The following IRAG1 variants were observed in gnomAD, a reference collection of about 807,000 sequenced individuals.
IRAG1 encodes inositol 1,4,5-triphosphate receptor associated 1.
A neutral mutation model predicts 106.2 loss-of-function variants in IRAG1; 62 were observed. The observed-to-expected ratio is 0.58, with a 90% CI of 0.48 to 0.72. The LOEUF (loss-of-function observed/expected upper bound fraction) is 0.72, where lower values mean the gene tolerates loss of function less well. Ranked by LOEUF, IRAG1 falls within the 30% of genes least tolerant of loss-of-function variation. IRAG1 has a pLI of 0.00. For synonymous variants in IRAG1, 462 were observed against 443.9 expected (o/e 1.04, Z -0.51); for missense variants, 1,064 against 1,140.7 (o/e 0.93, Z 0.97).
intron 2 of IRAG1, among the ~76,000 whole-genome samples, chr11:10,636,820 C>T (rs933660157): frequency 3.9e-5 from 6 of 152,120 alleles, no homozygotes; most frequent in Non-Finnish European, 7.4e-5. Flanking sequence ...GGAGCTTGCA[C>T]GACAAAGATG....
At chr11:10,604,341 C>A (rs1854301864) in intron 13 of IRAG1, 64 bp downstream of exon 13, 18 of 1,597,704 alleles carry the variant, frequency 1.1e-5, no homozygotes, top group Non-Finnish European at 1.5e-5. Flanking sequence ...AAGCATGACA[C>A]CCTGTATGGC....
intron 2 of IRAG1, among the ~76,000 whole-genome samples, chr11:10,638,249 C>T (rs1299731993): frequency 6.6e-6 from 1 of 152,210 alleles, no homozygotes; most frequent in Admixed American, 6.5e-5. Flanking sequence ...GGATAGCCTG[C>T]TTTTCCTTAA....
At position 10,628,035 on chromosome 11, in the gene IRAG1, T is replaced by C. The variant is rs1279169538; in HGVS notation, c.653-10A>G. On this transcript the variant is annotated splice_polypyrimidine_tract_variant and intron_variant, in intron 6 of 20. Transcript: ENST00000423302. This position sits in a 1 kb window ranked among gnomAD's most constrained non-coding sequence, Gnocchi z 4.1. The stretch of plus-strand genomic sequence containing the variant: ...CTGCACACATCCAAACCTGGAAGGG[T>C]CCAGACACTAGTGAGTGAGGCCCAG... 18 of 1,613,414 alleles carry C rather than the reference T, an allele frequency of 1.1e-5. No individual in the cohort carries two copies. The highest frequency in any genetic ancestry group is 1.6e-4 in the Middle Eastern group (1 of 6,084).
At position 10,626,192 on chromosome 11, in the gene IRAG1, G is replaced by A; in HGVS notation, c.1142C>T (p.Pro381Leu). The change falls in exon 9 of 21, where the codon CCA becomes CTA. Residue 381 changes from proline to leucine, a missense_variant. Transcript: ENST00000423302. The stretch of plus-strand genomic sequence containing the variant: ...CAGCGGGGGCCGGGACACAGTGGGT[G>A]GAAGCTCAGCTTTGGAGCCAGCCTC... Reference protein sequence around the residue: ...GPEAGSKAELPPTVSRPPLLR... With the variant: ...GPEAGSKAELLPTVSRPPLLR... The A allele has an allele frequency of 1.3e-6, 2 of 1,565,490 alleles. No individual in the cohort carries two copies. The highest frequency in any genetic ancestry group is 1.7e-6 in the Non-Finnish European group (2 of 1,153,818).
chr11:10,688,685 C>T (rs1861841552), intron 1 of IRAG1, among the ~76,000 whole-genome samples: 1 of 152,174 alleles, frequency 6.6e-6, no homozygotes, highest in Admixed American at 6.6e-5. Context: ...CTCACCAATA[C>T]CTGGATTCCA....
intron 1 of IRAG1, among the ~76,000 whole-genome samples, chr11:10,688,099 A>G (rs796645506): frequency 2.6e-4 from 40 of 152,214 alleles, no homozygotes; most frequent in African/African-American, 8.9e-4. Context: ...AAGGCCAAAA[A>G]AAAAAAAAGT....
At chr11:10,613,057 G>A (rs1377794130) in intron 10 of IRAG1, among the ~76,000 whole-genome samples, 1 of 152,116 alleles carries the variant, frequency 6.6e-6, no homozygotes, top group East Asian at 1.9e-4. Flanking sequence ...GAAGTATATG[G>A]AGATAAAATA....
rs1210368390 is a variant in IRAG1 at position 10,647,945 on chromosome 11, T to C, written c.225+4080A>G. Among the ~76,000 whole-genome samples the C allele has an allele frequency of 6.6e-6, 1 of 152,156 alleles. No individual in the cohort carries two copies. Among genetic ancestry groups the C allele is most frequent in the African/African-American group, 2.4e-5 (1 of 41,434 alleles). On this transcript the variant is annotated intron_variant, in intron 2 of 20. Coordinates refer to ENST00000423302, the MANE Select transcript of IRAG1 (RefSeq NM_130385.4). This position sits in a 1 kb window ranked among gnomAD's most constrained non-coding sequence, Gnocchi z 4.3. ...TAGGATTTCACCCCACTATAGGTTG[T>C]ATGGAGGGCAGAACCGAGGGAGAGT...
intron 14 of IRAG1, among the ~76,000 whole-genome samples, chr11:10,602,359 A>G (rs1361398838): frequency 6.6e-6 from 1 of 152,242 alleles, no homozygotes; most frequent in Non-Finnish European, 1.5e-5. Context: ...GCAACCCTCT[A>G]TGGCAGATAC....
chr11:10,583,593 G>A (rs545810440), intron 18 of IRAG1, among the ~76,000 whole-genome samples: 9 of 152,306 alleles, frequency 5.9e-5, no homozygotes, highest in African/African-American at 1.7e-4. Context: ...ACAGCAATTC[G>A]AGTAGGAAGG....
rs992429353 is a variant in IRAG1, at chr11:10,693,688, G to A, written c.-86C>T. 9.6e-6 allele frequency: 14 copies of A among 1,460,354 alleles called. 1 individual carries two copies. In the South Asian group the frequency reaches 1.7e-4, roughly 18 times the overall value. The allele number at this position is 1,460,354 out of a possible 1,614,324, so 90.5% of individuals were successfully genotyped here. ...CCTCGGCCGCACGCCTCCTCTGAGA[G>A]GGGCTGGGACTTAGAGCCGAGAGCT... is the stretch of plus-strand genomic sequence containing the variant. On this transcript the variant is annotated 5_prime_UTR_variant, in exon 1 of 21. Transcript: ENST00000423302.
At chr11:10,593,091 G>A (rs1253331009) in intron 17 of IRAG1, 1 of 155,546 alleles carries the variant, frequency 6.4e-6, no homozygotes, top group Non-Finnish European at 1.4e-5. Flanking sequence ...GAGAACAATG[G>A]GTTGAAGAAC....
rs1859683326 is a variant in IRAG1 at position 10,665,030 on chromosome 11, G to A, written c.68-12848C>T. ...GAGCTTTTTTGGCACTTGCAATAAA[G>A]AGTTCCAACTGGTGCAAACAGCCTA... On this transcript the variant is annotated intron_variant, in intron 1 of 20. Transcript: ENST00000423302. The surrounding 1 kb of genome is among the most constrained non-coding windows in gnomAD (Gnocchi z 4.2). 6.6e-6 allele frequency among the ~76,000 whole-genome samples: 1 copy of A among 152,146 alleles called. No homozygotes were observed. Among genetic ancestry groups the A allele is most frequent in the Non-Finnish European group, 1.5e-5 (1 of 68,030 alleles).
At chr11:10,626,823 A>G (rs1250023623) in intron 8 of IRAG1, among the ~76,000 whole-genome samples, 1 of 152,250 alleles carries the variant, frequency 6.6e-6, no homozygotes, top group African/African-American at 2.4e-5. Context: ...AAGGGATAGG[A>G]GCTGAGGAAA....
chr11:10,622,285 GGA>G (rs987360340), intron 10 of IRAG1, among the ~76,000 whole-genome samples: 3 of 152,106 alleles, frequency 2.0e-5, no homozygotes, highest in Non-Finnish European at 4.4e-5. Flanking sequence ...TAGCCCAGCA[GGA>G]GGGAGATGCC....
At chr11:10,673,427 T>C (rs904877209) in intron 1 of IRAG1, among the ~76,000 whole-genome samples, 1 of 152,184 alleles carries the variant, frequency 6.6e-6, no homozygotes, top group South Asian at 2.1e-4. Flanking sequence ...ATTTTATTTA[T>C]ATAAAATGCC....
intron 1 of IRAG1, among the ~76,000 whole-genome samples, chr11:10,668,483 G>A (rs903205990): frequency 1.1e-4 from 17 of 152,236 alleles, no homozygotes; most frequent in African/African-American, 3.9e-4. Flanking sequence ...AATGGTTTTT[G>A]TAAATAAATT....
At chr11:10,617,313 C>G (rs916707555) in intron 10 of IRAG1, 4 of 390,600 alleles carry the variant, frequency 1.0e-5, no homozygotes, top group Non-Finnish European at 1.4e-5. Flanking sequence ...TAAAAAATAG[C>G]TTAAACACCT....
chr11:10,679,327 ACT>A (rs35859062), intron 1 of IRAG1, among the ~76,000 whole-genome samples: 7,881 of 152,074 alleles, frequency 0.052, 282 homozygotes, highest in Admixed American at 0.11. Flanking sequence ...CCAAATGGAA[ACT>A]CTGTACCAAT....
Sources: gnomAD v4.1 joint callset for allele counts (sites outside exome capture counted in the v4.1 genomes callset) on GRCh38, gnomAD v4.1.1 for gene constraint, Gnocchi (gnomAD v3.1) non-coding constraint, MANE v1.5 for transcripts, NCBI Gene and HGNC (gene_info 2026-07-23, HGNC 2026-07-21) for gene names.